SLC4A4: variants seen among roughly 807,000 people sequenced by gnomAD.
SLC4A4 encodes electrogenic sodium bicarbonate cotransporter 1.
SLC4A4 carries 27 observed loss-of-function variants against 111.5 expected under a neutral mutation model. The observed-to-expected ratio is 0.24, with a 90% CI of 0.18 to 0.33. The LOEUF (loss-of-function observed/expected upper bound fraction) is 0.33, where lower values mean the gene tolerates loss of function less well. Ranked by LOEUF, SLC4A4 falls within the 10% of genes least tolerant of loss-of-function variation. The pLI, the probability that SLC4A4 is intolerant of heterozygous loss-of-function variation, is 1.00. For synonymous variants in SLC4A4, 443 were observed against 463.4 expected, an observed-to-expected ratio of 0.96 and a Z score of 0.57; for missense variants, 909 against 1,315.5, an observed-to-expected ratio of 0.69 and a Z score of 4.78.
intron 9 of SLC4A4, among the ~76,000 whole-genome samples, chr4:71,449,284 T>C (rs1370027774): frequency 6.6e-6 from 1 of 152,204 alleles, no homozygotes; most frequent in Non-Finnish European, 1.5e-5. Flanking sequence ...TAATGCTAGC[T>C]GTATCTCCCT....
At chr4:71,338,959 G>T in intron 3 of SLC4A4, 1 of 876,082 alleles carries the variant, frequency 1.1e-6, no homozygotes, top group Non-Finnish European at 1.6e-6. Context: ...TCTCAGGATT[G>T]GGGTACTTTG....
chr4:71,562,994 T>G (rs1737131809), intron 23 of SLC4A4, among the ~76,000 whole-genome samples: 1 of 151,750 alleles, frequency 6.6e-6, no homozygotes, highest in Non-Finnish European at 1.5e-5. Flanking sequence ...ATTGGGTCTT[T>G]CAGCCCAAAC....
intron 1 of SLC4A4, among the ~76,000 whole-genome samples, chr4:71,087,358 C>G (rs1305506379): frequency 3.3e-5 from 5 of 151,806 alleles, no homozygotes; most frequent in African/African-American, 4.9e-5. Flanking sequence ...AAAACCAGCT[C>G]CTGGATTCAT....
chr4:71,290,837 A>C (rs548910943), intron 3 of SLC4A4, among the ~76,000 whole-genome samples: 1 of 152,342 alleles, frequency 6.6e-6, no homozygotes, highest in African/African-American at 2.4e-5. Flanking sequence ...ATCTTTGGGA[A>C]AATGTAAAAC....
intron 7 of SLC4A4, among the ~76,000 whole-genome samples, chr4:71,403,486 A>G (rs1720553923): frequency 6.6e-6 from 1 of 152,226 alleles, no homozygotes; most frequent in Non-Finnish European, 1.5e-5. Context: ...TATCTTGAAA[A>G]TAAAGCAGGG....
intron 3 of SLC4A4, among the ~76,000 whole-genome samples, chr4:71,330,449 T>A (rs1727881246): frequency 6.6e-6 from 1 of 152,184 alleles, no homozygotes; most frequent in African/African-American, 2.4e-5. Flanking sequence ...AACTATCTGA[T>A]CTTTGATAAA....
chr4:71,125,145 T>C (rs1307187456), intron 2 of SLC4A4, among the ~76,000 whole-genome samples: 2 of 152,198 alleles, frequency 1.3e-5, no homozygotes, highest in Non-Finnish European at 1.5e-5. Context: ...ATTTGATTTA[T>C]GTATAGGCAA....
chr4:71,431,085 C>T (rs1039102809), intron 7 of SLC4A4, among the ~76,000 whole-genome samples: 5 of 152,106 alleles, frequency 3.3e-5, no homozygotes, highest in Admixed American at 3.3e-4. Flanking sequence ...CTCAGCCCCT[C>T]AGGCACTTTT....
At chr4:71,242,802 C>G (rs979887411) in intron 2 of SLC4A4, among the ~76,000 whole-genome samples, 1 of 151,800 alleles carries the variant, frequency 6.6e-6, no homozygotes, top group Admixed American at 6.5e-5. Context: ...TTCTACAAAT[C>G]GTAACTGGTG....
At chr4:71,537,386 G>GTGTGTATATATACATA (rs757756925) in intron 18 of SLC4A4, among the ~76,000 whole-genome samples, 68 of 3,852 alleles carry the variant, frequency 0.018, no homozygotes, top group Admixed American at 0.052. Context: ...ATATACATAT[G>GTGTGTATATATACATA]TGTGTGTATA....
chr4:71,207,404 G>C (rs771341900), intron 1 of SLC4A4, among the ~76,000 whole-genome samples: 2 of 152,144 alleles, frequency 1.3e-5, no homozygotes, highest in Non-Finnish European at 2.9e-5. Context: ...GCATGTGTGA[G>C]GATAAATTTA....
intron 1 of SLC4A4, among the ~76,000 whole-genome samples, chr4:71,213,135 T>C (rs1718233555): frequency 6.6e-6 from 1 of 152,198 alleles, no homozygotes; most frequent in African/African-American, 2.4e-5. Context: ...AATGACAAAA[T>C]TGACAAACGA....
intron 3 of SLC4A4, chr4:71,301,254 G>A (rs1482677050): frequency 1.2e-5 from 3 of 248,858 alleles, no homozygotes; most frequent in South Asian, 9.2e-5. Flanking sequence ...ACATATTTAC[G>A]GGAAATCAAG....
intron 13 of SLC4A4, among the ~76,000 whole-genome samples, chr4:71,467,440 C>T (rs1481487983): frequency 6.6e-6 from 1 of 152,070 alleles, no homozygotes; most frequent in Non-Finnish European, 1.5e-5. Flanking sequence ...AGGCACTTTA[C>T]ATGTACTAAC....
chr4:71,438,455 T>C (rs2149053389), intron 7 of SLC4A4, among the ~76,000 whole-genome samples: 1 of 152,316 alleles, frequency 6.6e-6, no homozygotes, highest in Non-Finnish European at 1.5e-5. Flanking sequence ...GTGAAAAGTC[T>C]AGGGAGCTTT....
At chr4:71,479,612 A>ATTCCCTCT (rs1728685245) in intron 14 of SLC4A4, among the ~76,000 whole-genome samples, 1 of 151,720 alleles carries the variant, frequency 6.6e-6, no homozygotes, top group South Asian at 2.1e-4. Context: ...TTTTATTTTT[A>ATTCCCTCT]TTGTGTGCCA....
chr4:71,161,532 A>T (rs1388858353), intron 2 of SLC4A4, among the ~76,000 whole-genome samples: 1 of 152,172 alleles, frequency 6.6e-6, no homozygotes, highest in Non-Finnish European at 1.5e-5. Context: ...ATTTGTAATT[A>T]ATGAATTGCC....
intron 1 of SLC4A4, among the ~76,000 whole-genome samples, chr4:71,225,609 C>A (rs945395327): frequency 6.6e-6 from 1 of 152,134 alleles, no homozygotes; most frequent in Non-Finnish European, 1.5e-5. Context: ...ACTGTGGTTG[C>A]CATGTTGGGT....
chr4:71,371,231 C>T (rs1731843075), intron 6 of SLC4A4, among the ~76,000 whole-genome samples: 1 of 146,974 alleles, frequency 6.8e-6, no homozygotes, highest in Admixed American at 7.2e-5. Flanking sequence ...TAAACTCTAC[C>T]CTTCCAGGAA....
Sources: gnomAD v4.1 joint callset for allele counts (sites outside exome capture counted in the v4.1 genomes callset) on GRCh38, gnomAD v4.1.1 for gene constraint, MANE v1.5 for transcripts, NCBI Gene and HGNC (gene_info 2026-07-23, HGNC 2026-07-21) for gene names.